Variants in RAB3GAP1 observed in about 807,000 individuals in gnomAD.
RAB3GAP1 encodes the protein rab3 GTPase-activating protein catalytic subunit.
In RAB3GAP1, 86 loss-of-function variants were observed where a neutral mutation model predicts 130.7. The ratio of observed to expected loss-of-function variants is 0.66; its 90% confidence interval spans 0.55 to 0.79. The LOEUF (loss-of-function observed/expected upper bound fraction) is 0.79, where lower values mean the gene tolerates loss of function less well. RAB3GAP1 is among the 30% of genes least tolerant of loss of function. The pLI, the probability that RAB3GAP1 is intolerant of heterozygous loss-of-function variation, is 0.00. For synonymous variants in RAB3GAP1, 367 were observed against 401.7 expected (o/e 0.91, Z 1.03); for missense variants, 1,029 against 1,169.4 (o/e 0.88, Z 1.75).
At chr2:135,147,300 C>T (rs929689662) in intron 17 of RAB3GAP1, among the ~76,000 whole-genome samples, 12 of 150,484 alleles carry the variant, frequency 8.0e-5, no homozygotes, top group Middle Eastern at 3.4e-3. Context: ...GAGCTGAGAT[C>T]GCACCGCTGC....
chr2:135,133,412 A>T (rs182173616), intron 14 of RAB3GAP1, among the ~76,000 whole-genome samples: 1 of 152,142 alleles, frequency 6.6e-6, no homozygotes, highest in Non-Finnish European at 1.5e-5. Context: ...TTTAAATGAC[A>T]AGTGTAGATA....
chr2:135,097,936 A>T (rs1404700514), intron 5 of RAB3GAP1, among the ~76,000 whole-genome samples: 3 of 152,178 alleles, frequency 2.0e-5, no homozygotes, highest in African/African-American at 7.2e-5. Context: ...TGGTAAGTGT[A>T]TGTTTATAGG....
chr2:135,119,995 A>C (rs1691150274), intron 7 of RAB3GAP1, among the ~76,000 whole-genome samples: 1 of 152,182 alleles, frequency 6.6e-6, no homozygotes, highest in African/African-American at 2.4e-5. Flanking sequence ...CTGATTCATT[A>C]ATCTATTTTG....
chr2:135,166,197 G>T (rs1692645349), intron 23 of RAB3GAP1, among the ~76,000 whole-genome samples: 1 of 151,742 alleles, frequency 6.6e-6, no homozygotes, highest in Admixed American at 6.6e-5. Flanking sequence ...GTGTTAAGAG[G>T]ATTTAAAATG....
chr2:135,123,072 C>G (rs921012002), intron 8 of RAB3GAP1, among the ~76,000 whole-genome samples: 1 of 152,090 alleles, frequency 6.6e-6, no homozygotes, highest in African/African-American at 2.4e-5. Context: ...TTTCTTAACC[C>G]ATGTAACTGG....
intron 9 of RAB3GAP1, among the ~76,000 whole-genome samples, chr2:135,125,927 A>T (rs367747359): frequency 6.6e-6 from 1 of 152,164 alleles, no homozygotes; most frequent in African/African-American, 2.4e-5. Flanking sequence ...GATATGCCAC[A>T]TTTTGTTTAT....
intron 2 of RAB3GAP1, among the ~76,000 whole-genome samples, chr2:135,057,336 A>C (rs1033787824): frequency 3.3e-5 from 5 of 152,164 alleles, no homozygotes; most frequent in African/African-American, 1.2e-4. Flanking sequence ...ATATATTTAA[A>C]GGAAAAGTTT....
At chr2:135,056,685 C>T (rs988350726) in intron 2 of RAB3GAP1, among the ~76,000 whole-genome samples, 2 of 151,964 alleles carry the variant, frequency 1.3e-5, no homozygotes, top group African/African-American at 4.8e-5. Context: ...TAAATTTTTC[C>T]TCTTTGGTAA....
chr2:135,114,624 T>C (rs373379642), intron 6 of RAB3GAP1, among the ~76,000 whole-genome samples: 2 of 152,240 alleles, frequency 1.3e-5, no homozygotes, highest in East Asian at 3.8e-4. Context: ...AGTTAATACA[T>C]AACCTTCTTT....
intron 13 of RAB3GAP1, among the ~76,000 whole-genome samples, chr2:135,132,664 GA>G (rs765125343): frequency 2.1e-4 from 32 of 151,970 alleles, no homozygotes; most frequent in Admixed American, 3.3e-4. Flanking sequence ...TTACTTTTAA[GA>G]AAAAAATTCT....
At chr2:135,135,499 C>A in intron 16 of RAB3GAP1, 65 bp from the exon 17 acceptor site, 3 of 1,489,702 alleles carry the variant, frequency 2.0e-6, no homozygotes, top group East Asian at 2.4e-5. Context: ...AATATTCAAG[C>A]AGTAGGTAGA....
Position 135,132,913 on chromosome 2 carries a change from G to GT in RAB3GAP1, c.1258dup (p.Ser420PhefsTer2), listed in dbSNP as rs1196430626. ...CTTCAAGTTCTTATTCCCTGATGCTGTTTCTGAGAAACCATTAGATGGAAC... is the reference window on the plus strand; with the variant it reads ...CTTCAAGTTCTTATTCCCTGATGCTGTTTTCTGAGAAACCATTAGATGGAAC... On this transcript the variant is annotated frameshift_variant, in exon 14 of 24. Coordinates refer to ENST00000264158, the MANE Select transcript of RAB3GAP1 (RefSeq NM_012233.3). LOFTEE classifies it high-confidence loss of function. 2 of 1,570,376 alleles carry GT rather than the reference G, an allele frequency of 1.3e-6. No homozygotes were observed. The highest frequency in any genetic ancestry group is 2.7e-5 in the African/African-American group (2 of 73,830).
At chr2:135,145,898 G>A (rs1691975830) in intron 17 of RAB3GAP1, among the ~76,000 whole-genome samples, 1 of 152,148 alleles carries the variant, frequency 6.6e-6, no homozygotes. Context: ...CTTGGATTTT[G>A]TGTGGTATGT....
At chr2:135,069,846 T>G (rs917325036) in intron 3 of RAB3GAP1, among the ~76,000 whole-genome samples, 6 of 152,218 alleles carry the variant, frequency 3.9e-5, no homozygotes, top group African/African-American at 1.4e-4. Context: ...ACAGTCATTT[T>G]ATCTCAGCTG....
At position 135,112,834 on chromosome 2, in the gene RAB3GAP1, T is replaced by TCACA. The variant is rs200860381; in HGVS notation, c.363-286_363-283dup. ...GTCAAAGTCTCTCTCTCTCTCTCTC[T>TCACA]CACACACACACACACACACACACAC... On this transcript the variant is annotated intron_variant, in intron 5 of 23. Transcript: ENST00000264158. Among the ~76,000 whole-genome samples, 12,660 of 132,342 alleles carry TCACA rather than the reference T, an allele frequency of 0.096. 743 individuals carry two copies. The highest frequency in any genetic ancestry group is 0.27 in the South Asian group (1,186 of 4,400). The allele number at this position is 132,342 out of a possible 152,430, so 86.8% of individuals were successfully genotyped here.
chr2:135,096,839 T>C (rs1251293325), intron 5 of RAB3GAP1, among the ~76,000 whole-genome samples: 1 of 152,128 alleles, frequency 6.6e-6, no homozygotes, highest in Non-Finnish European at 1.5e-5. Flanking sequence ...TGGCGCCTAG[T>C]ATGTTTATCA....
chr2:135,071,645 G>A (rs1236988437), intron 3 of RAB3GAP1, among the ~76,000 whole-genome samples: 2 of 152,218 alleles, frequency 1.3e-5, no homozygotes, highest in Non-Finnish European at 2.9e-5. Context: ...AGGAGCTGGA[G>A]GGGCCTAAAT....
chr2:135,130,080 A>G lies in RAB3GAP1; in HGVS notation c.1059A>G (p.Glu353=). 1.2e-6 allele frequency: 2 copies of G among 1,611,392 alleles called. No individual in the cohort carries two copies. Among genetic ancestry groups the G allele is most frequent in the Non-Finnish European group, 1.7e-6 (2 of 1,177,800 alleles). The change falls in exon 12 of 24, where the codon GAA becomes GAG. Residue 353 remains glutamate (E), a synonymous_variant. Transcript: ENST00000264158. ...EILGRSAFEE[E]GKETADITHA... is the part of the protein sequence containing the mutation. ...TTGGACGATCTGCATTTGAGGAAGA[A>G]GGCAAAGGTAACCTACATTTTTTTT...
At chr2:135,147,615 T>TCCCCCCCCCCC (rs1553448280) in intron 17 of RAB3GAP1, among the ~76,000 whole-genome samples, 1 of 132,992 alleles carries the variant, frequency 7.5e-6, no homozygotes, top group Non-Finnish European at 1.6e-5. Flanking sequence ...AGTAGTCCCC[T>TCCCCCCCCCCC]CCCCCCCCCT....
Sources: gnomAD v4.1 joint callset for allele counts (sites outside exome capture counted in the v4.1 genomes callset) on GRCh38, gnomAD v4.1.1 for gene constraint, MANE v1.5 for transcripts, NCBI Gene and HGNC (gene_info 2026-07-23, HGNC 2026-07-21) for gene names.